The following CAMTA1 variants were observed in gnomAD, a reference collection of about 807,000 sequenced individuals.
CAMTA1 encodes calmodulin-binding transcription activator 1.
In CAMTA1, 27 loss-of-function variants were observed where a neutral mutation model predicts 170.9. That is an observed-to-expected ratio of 0.16 (90% CI 0.12 to 0.22). The LOEUF is 0.22. CAMTA1 is among the 10% of genes least tolerant of loss of function. The pLI is 1.00. For missense variants in CAMTA1, 1,619 were observed against 2,217.2 expected (o/e 0.73, Z 5.42); for synonymous variants, 833 against 891.5 (o/e 0.93, Z 1.17).
At position 7,537,174 on chromosome 1, in the gene CAMTA1, G is replaced by C. The variant is rs563926307; in HGVS notation, c.510+69273G>C. Among the ~76,000 whole-genome samples, 18 of 152,356 alleles carry C rather than the reference G, an allele frequency of 1.2e-4. No individual in the cohort carries two copies. In the South Asian group the frequency reaches 3.5e-3, roughly 30 times the overall value. On this transcript the variant is annotated intron_variant, in intron 6 of 22. Transcript: ENST00000303635. ...TCGCAGGCATGTGGCCTAAGCAGGAGGGACGCATTGCCCCACGGTTTATGG... is the reference window on the plus strand; with the variant it reads ...TCGCAGGCATGTGGCCTAAGCAGGACGGACGCATTGCCCCACGGTTTATGG...
intron 1 of CAMTA1, among the ~76,000 whole-genome samples, chr1:6,787,402 T>C (rs1274887293): frequency 6.6e-6 from 1 of 152,242 alleles, no homozygotes; most frequent in Non-Finnish European, 1.5e-5. Flanking sequence ...ATTTGAATGC[T>C]TTCTGTTTTT....
At chr1:7,692,040 T>C (rs2096321801) in intron 11 of CAMTA1, among the ~76,000 whole-genome samples, 1 of 151,908 alleles carries the variant, frequency 6.6e-6, no homozygotes, top group Non-Finnish European at 1.5e-5. Flanking sequence ...TTCAGGGCCA[T>C]TGTCCTCAGG....
At chr1:7,757,840 T>G (rs1428377502) in intron 22 of CAMTA1, among the ~76,000 whole-genome samples, 4 of 152,180 alleles carry the variant, frequency 2.6e-5, no homozygotes, top group East Asian at 1.9e-4. Flanking sequence ...ATTTGTTTTT[T>G]GGGGGAAAAA....
At chr1:7,126,672 G>A (rs1644947787) in intron 4 of CAMTA1, among the ~76,000 whole-genome samples, 1 of 152,126 alleles carries the variant, frequency 6.6e-6, no homozygotes, top group Admixed American at 6.5e-5. Flanking sequence ...GTTTTTCCTA[G>A]TAGCTGAAGA....
chr1:6,871,518 A>T (rs1668407252), intron 3 of CAMTA1, among the ~76,000 whole-genome samples: 1 of 152,228 alleles, frequency 6.6e-6, no homozygotes, highest in Non-Finnish European at 1.5e-5. Context: ...TCAAATTGAA[A>T]TATCAGCACT....
intron 3 of CAMTA1, among the ~76,000 whole-genome samples, chr1:6,891,610 C>T (rs1177415866): frequency 2.0e-5 from 3 of 152,200 alleles, no homozygotes; most frequent in Non-Finnish European, 4.4e-5. Context: ...TTTGCCATCT[C>T]ATAGCTACTT....
intron 5 of CAMTA1, among the ~76,000 whole-genome samples, chr1:7,337,982 T>C (rs1021317689): frequency 1.3e-5 from 2 of 151,394 alleles, no homozygotes; most frequent in Admixed American, 1.3e-4. Flanking sequence ...ATGTATTATA[T>C]GTGTATATAT....
At chr1:7,423,109 G>A (rs1057427046) in intron 5 of CAMTA1, among the ~76,000 whole-genome samples, 2 of 152,202 alleles carry the variant, frequency 1.3e-5, no homozygotes, top group African/African-American at 4.8e-5. Flanking sequence ...AGAGCCCCAG[G>A]GCGAGGCAGC....
At chr1:7,480,438 A>G (rs944892457) in intron 6 of CAMTA1, among the ~76,000 whole-genome samples, 1 of 151,548 alleles carries the variant, frequency 6.6e-6, no homozygotes. Flanking sequence ...ACAGAGAGAG[A>G]TATCCTCGCC....
chr1:7,716,666 C>A (rs2096612211), intron 11 of CAMTA1, among the ~76,000 whole-genome samples: 1 of 152,050 alleles, frequency 6.6e-6, no homozygotes, highest in Non-Finnish European at 1.5e-5. Context: ...GATGGTCCCC[C>A]TAGAGTTAGT....
chr1:7,048,789 G>A (rs1308778576), intron 3 of CAMTA1, among the ~76,000 whole-genome samples: 1 of 152,186 alleles, frequency 6.6e-6, no homozygotes, highest in Non-Finnish European at 1.5e-5. Context: ...GCAGGTGTGT[G>A]CAGACACAGT....
At chr1:7,756,847 C>CAAACA (rs200786659) in intron 22 of CAMTA1, among the ~76,000 whole-genome samples, 3,439 of 149,202 alleles carry the variant, frequency 0.023, 121 homozygotes, top group African/African-American at 0.079. Flanking sequence ...GACCCTGTCT[C>CAAACA]AAACAAAACA....
At position 6,965,356 on chromosome 1, in the gene CAMTA1, C is replaced by T. The variant is rs1373630601; in HGVS notation, c.235-125948C>T. Among the ~76,000 whole-genome samples, 1 of 152,076 alleles carries T rather than the reference C, an allele frequency of 6.6e-6. No individual in the cohort carries two copies. Among genetic ancestry groups the T allele is most frequent in the Non-Finnish European group, 1.5e-5 (1 of 68,000 alleles). Reference sequence around the variant, plus strand: ...GTAGGGGGCACGCAGCCAGCTCTAACTTGAGCAGAGGCATTCTGTTGTTAT... The same window carrying T: ...GTAGGGGGCACGCAGCCAGCTCTAATTTGAGCAGAGGCATTCTGTTGTTAT... On this transcript the variant is annotated intron_variant, in intron 3 of 22. Transcript: ENST00000303635. The surrounding 1 kb of genome is among the most constrained non-coding windows in gnomAD (Gnocchi z 4.1).
chr1:7,216,878 A>G lies in CAMTA1; in HGVS notation c.303-32613A>G, dbSNP rs1360074414. 1.3e-5 allele frequency among the ~76,000 whole-genome samples: 2 copies of G among 152,050 alleles called. No individual in the cohort carries two copies. Among genetic ancestry groups the G allele is most frequent in the Non-Finnish European group, 2.9e-5 (2 of 68,010 alleles). On this transcript the variant is annotated intron_variant, in intron 4 of 22. Coordinates refer to ENST00000303635, the MANE Select transcript of CAMTA1 (RefSeq NM_015215.4). The surrounding 1 kb of genome is among the most constrained non-coding windows in gnomAD (Gnocchi z 4.0). ...GTGCACTAATACTCATTATGGTTAT[A>G]TTTTTATTGTGGAATGTGATTTTTA...
At chr1:7,407,153 C>T (rs746965949) in intron 5 of CAMTA1, among the ~76,000 whole-genome samples, 5 of 152,222 alleles carry the variant, frequency 3.3e-5, no homozygotes, top group Non-Finnish European at 5.9e-5. Flanking sequence ...CATCGCCGCT[C>T]GGCCCCATGC....
chr1:6,901,312 A>C (rs1208224190), intron 3 of CAMTA1, among the ~76,000 whole-genome samples: 2 of 152,242 alleles, frequency 1.3e-5, no homozygotes, highest in African/African-American at 2.4e-5. Context: ...GAAAGTTTTC[A>C]TGACCTTGGG....
At chr1:7,523,305 A>G (rs574958989) in intron 6 of CAMTA1, among the ~76,000 whole-genome samples, 23 of 152,256 alleles carry the variant, frequency 1.5e-4, no homozygotes, top group Non-Finnish European at 3.1e-4. Context: ...TAGCTATTCT[A>G]TTCTAATATT....
At chr1:7,229,083 G>A (rs112797983) in intron 4 of CAMTA1, among the ~76,000 whole-genome samples, 3,735 of 151,946 alleles carry the variant, frequency 0.025, 153 homozygotes, top group African/African-American at 0.084. Context: ...GGGCAGCCCC[G>A]CAGAGTCCAG....
intron 5 of CAMTA1, among the ~76,000 whole-genome samples, chr1:7,344,779 G>A (rs845248): frequency 0.39 from 56,613 of 146,108 alleles, 11,591 homozygotes; most frequent in Non-Finnish European, 0.45. Context: ...GCAGAGTCTC[G>A]CTCTGTTGCC....
Sources: gnomAD v4.1 joint callset for allele counts (sites outside exome capture counted in the v4.1 genomes callset) on GRCh38, gnomAD v4.1.1 for gene constraint, Gnocchi (gnomAD v3.1) non-coding constraint, MANE v1.5 for transcripts, NCBI Gene and HGNC (gene_info 2026-07-23, HGNC 2026-07-21) for gene names.